Variants in EPHA5 observed in about 807,000 individuals in gnomAD.
EPHA5 encodes the protein EPH receptor A5, also known as ephrin type-A receptor 5.
A neutral mutation model predicts 105.0 loss-of-function variants in EPHA5; 60 were observed. That is an observed-to-expected ratio of 0.57 (90% CI 0.46 to 0.71). The LOEUF is 0.71. Among genes scored for constraint, EPHA5 ranks in the 30% least tolerant of loss-of-function variants. The pLI is 0.00. For missense variants in EPHA5, 1,218 were observed against 1,274.7 expected, an observed-to-expected ratio of 0.96 and a Z score of 0.68; for synonymous variants, 513 against 449.1, an observed-to-expected ratio of 1.14 and a Z score of -1.80.
At chr4:65,546,940 T>C (rs561842224) in intron 3 of EPHA5, among the ~76,000 whole-genome samples, 13 of 152,182 alleles carry the variant, frequency 8.5e-5, no homozygotes, top group African/African-American at 3.1e-4. Flanking sequence ...AATACATTCA[T>C]TGAAAATTTC....
intron 5 of EPHA5, among the ~76,000 whole-genome samples, chr4:65,468,820 A>G (rs977133170): frequency 6.6e-6 from 1 of 151,222 alleles, no homozygotes. Flanking sequence ...TTACACAAAA[A>G]TACTGCATGT....
chr4:65,557,014 A>G (rs1194776896), intron 3 of EPHA5, among the ~76,000 whole-genome samples: 2 of 151,816 alleles, frequency 1.3e-5, no homozygotes, highest in Non-Finnish European at 1.5e-5. Context: ...TATTCGGACA[A>G]TTACAGGACT....
intron 3 of EPHA5, among the ~76,000 whole-genome samples, chr4:65,533,775 AAT>A (rs1485185363): frequency 6.6e-6 from 1 of 151,984 alleles, no homozygotes; most frequent in Non-Finnish European, 1.5e-5. Flanking sequence ...CTCTACTAAA[AAT>A]ACAAAAATTA....
chr4:65,526,329 G>T (rs1481072822), intron 3 of EPHA5, among the ~76,000 whole-genome samples: 1 of 151,696 alleles, frequency 6.6e-6, no homozygotes, highest in Non-Finnish European at 1.5e-5. Context: ...ATAGTTCAAG[G>T]TCTAGAATCC....
At chr4:65,476,845 T>G (rs1729868926) in intron 5 of EPHA5, among the ~76,000 whole-genome samples, 1 of 152,190 alleles carries the variant, frequency 6.6e-6, no homozygotes, top group Admixed American at 6.5e-5. Flanking sequence ...TGAACCTATC[T>G]ATTAATTACA....
In EPHA5 at chr4:65,322,106, A is replaced by G. The variant is rs28580139; in HGVS notation, c.*2008T>C. ...TTAAATTCACATCTCTGGAAATTTT[A>G]CTAAACTAATAGATTATATGTTTGC... On this transcript the variant is annotated 3_prime_UTR_variant, in exon 17 of 17. Transcript: ENST00000613740. The G allele has an allele frequency of 2.5e-3, 565 of 224,800 alleles. 2 individuals carry two copies. The highest frequency in any genetic ancestry group is 0.012 in the African/African-American group (536 of 45,010). The allele number at this position is 224,800 out of a possible 1,614,324, so 13.9% of individuals were successfully genotyped here.
chr4:65,494,077 C>T (rs149447480), intron 4 of EPHA5, among the ~76,000 whole-genome samples: 1 of 152,096 alleles, frequency 6.6e-6, no homozygotes, highest in African/African-American at 2.4e-5. Flanking sequence ...TGTATCCTTA[C>T]AAAAGAGCAT....
chr4:65,540,864 A>AT (rs1451540753), intron 3 of EPHA5, among the ~76,000 whole-genome samples: 3 of 78,146 alleles, frequency 3.8e-5, no homozygotes, highest in Non-Finnish European at 8.9e-5. Flanking sequence ...AGTCAATTTT[A>AT]TAAAAAAAAA....
chr4:65,623,130 C>CA (rs916116337), intron 2 of EPHA5, among the ~76,000 whole-genome samples: 4 of 151,796 alleles, frequency 2.6e-5, no homozygotes, highest in Non-Finnish European at 5.9e-5. Context: ...ATATCACCAC[C>CA]AAAAAAATCC....
rs539199572 is a variant in EPHA5 at position 65,474,095 on chromosome 4, C to T, written c.1402+16282G>A. 4.6e-5 allele frequency among the ~76,000 whole-genome samples: 7 copies of T among 151,964 alleles called. No homozygotes were observed. In the East Asian group the frequency reaches 1.4e-3, roughly 30 times the overall value. On this transcript the variant is annotated intron_variant, in intron 5 of 16. Transcript: ENST00000613740. ...AAATGACGAGTTAATGGGTGCAGCA[C>T]ACCAACATGGCACATGTATACATAT... is the stretch of plus-strand genomic sequence containing the variant.
chr4:65,620,130 T>TATATATATA lies in EPHA5; in HGVS notation c.247-17827_247-17826insTATATATAT, dbSNP rs1389832477. Among the ~76,000 whole-genome samples, 49 of 103,844 alleles carry TATATATATA rather than the reference T, an allele frequency of 4.7e-4. 1 individual carries two copies. In the South Asian group the frequency reaches 0.014, roughly 29 times the overall value. 68.1% of individuals were successfully genotyped at this position (103,844 alleles called of 152,430 possible). A position where few individuals can be genotyped will look rare whatever the true frequency, so the allele number is the denominator to read the frequency against. The stretch of plus-strand genomic sequence containing the variant: ...CAGGTATATATATATATATATATAT[T>TATATATATA]AAATATATGATAGTAATAACTGTTT... On this transcript the variant is annotated intron_variant, in intron 2 of 16. Coordinates refer to ENST00000613740, the MANE Select transcript of EPHA5 (RefSeq NM_001281766.3).
chr4:65,409,745 T>C (rs909420089), intron 7 of EPHA5, among the ~76,000 whole-genome samples: 2 of 152,190 alleles, frequency 1.3e-5, no homozygotes, highest in Non-Finnish European at 2.9e-5. Context: ...ATAAGTAATG[T>C]AAGTATGTAG....
intron 5 of EPHA5, among the ~76,000 whole-genome samples, chr4:65,428,303 T>G (rs1724644651): frequency 6.6e-6 from 1 of 152,222 alleles, no homozygotes; most frequent in South Asian, 2.1e-4. Context: ...TTATAATACA[T>G]AACATAAATT....
At chr4:65,475,618 A>G (rs1251385628) in intron 5 of EPHA5, among the ~76,000 whole-genome samples, 1 of 152,186 alleles carries the variant, frequency 6.6e-6, no homozygotes, top group Middle Eastern at 3.2e-3. Flanking sequence ...TAATCTATGC[A>G]TATCAATTTA....
intron 8 of EPHA5, among the ~76,000 whole-genome samples, chr4:65,387,259 T>A (rs1255981893): frequency 6.6e-6 from 1 of 151,876 alleles, no homozygotes; most frequent in East Asian, 1.9e-4. Context: ...GAGTCCTCCT[T>A]GGAGCTGGGG....
At chr4:65,661,053 G>T (rs938405483) in intron 1 of EPHA5, among the ~76,000 whole-genome samples, 2 of 152,024 alleles carry the variant, frequency 1.3e-5, no homozygotes, top group East Asian at 3.9e-4. Flanking sequence ...TTAGAAAATG[G>T]TTTTATTTCA....
At position 65,375,776 on chromosome 4, in the gene EPHA5, CACACACACAT is replaced by C. The variant is rs1189979466; in HGVS notation, c.1794-8362_1794-8353del. Reference sequence around the variant, plus strand: ...TTTTTAGTTTTTCATAGCACAGAAACACACACACATACACACACACACACACACACACACA... The same window carrying C: ...TTTTTAGTTTTTCATAGCACAGAAACACACACACACACACACACACACACA... On this transcript the variant is annotated intron_variant, in intron 8 of 16. Coordinates refer to ENST00000613740, the MANE Select transcript of EPHA5 (RefSeq NM_001281766.3). 2.0e-4 allele frequency among the ~76,000 whole-genome samples: 24 copies of C among 118,718 alleles called. 1 individual carries two copies. In the East Asian group the frequency reaches 4.5e-3, roughly 22 times the overall value. The allele number at this position is 118,718 out of a possible 152,430, so 77.9% of individuals were successfully genotyped here. A position where few individuals can be genotyped will look rare whatever the true frequency, so the allele number is the denominator to read the frequency against.
intron 3 of EPHA5, among the ~76,000 whole-genome samples, chr4:65,579,920 T>G (rs749124277): frequency 6.6e-6 from 1 of 151,980 alleles, no homozygotes; most frequent in Non-Finnish European, 1.5e-5. Context: ...AAAATACTGA[T>G]TATACAACAA....
chr4:65,336,626 A>G (rs939201953), intron 14 of EPHA5, among the ~76,000 whole-genome samples: 5 of 152,130 alleles, frequency 3.3e-5, no homozygotes, highest in Non-Finnish European at 7.4e-5. Context: ...CTAAATTAGC[A>G]TAACTGTCTC....
Sources: allele counts gnomAD v4.1 joint callset (sites outside exome capture counted in the v4.1 genomes callset), GRCh38; gene constraint gnomAD v4.1.1; transcripts MANE v1.5; gene names NCBI Gene and HGNC (gene_info 2026-07-23, HGNC 2026-07-21).